LOC400499: variants seen among roughly 807,000 people sequenced by gnomAD.
chr16:11,376,980 C>T, the LOC400499 span, among the ~76,000 whole-genome samples: 3 of 144,856 alleles, frequency 2.1e-5, no homozygotes, highest in Admixed American at 7.0e-5. Context: ...CACTGTGTTG[C>T]CCAGGCTGGA....
the LOC400499 span, among the ~76,000 whole-genome samples, chr16:11,402,724 G>C: frequency 2.8e-4 from 42 of 152,244 alleles, 1 homozygote; most frequent in African/African-American, 8.9e-4. Context: ...AGCTGACCTT[G>C]AACATGAGGA....
the LOC400499 span, chr16:11,391,676 C>T: frequency 9.7e-5 from 120 of 1,232,252 alleles, no homozygotes; most frequent in African/African-American, 1.6e-3. Context: ...ATTCCAGCTC[C>T]TCCCGCAGCT....
the LOC400499 span, chr16:11,461,255 C>T: frequency 1.8e-4 from 191 of 1,073,220 alleles, 3 homozygotes; most frequent in East Asian, 5.0e-3. Flanking sequence ...AACATGTGCA[C>T]CCTGCACAAC....
chr16:11,432,501 G>A, the LOC400499 span, among the ~76,000 whole-genome samples: 2 of 152,194 alleles, frequency 1.3e-5, no homozygotes, highest in Non-Finnish European at 1.5e-5. Context: ...CAAATAAGCA[G>A]TTAGCAGTAC....
the LOC400499 span, chr16:11,404,971 C>A: frequency 2.5e-6 from 1 of 397,656 alleles, no homozygotes; most frequent in Non-Finnish European, 4.4e-6. Context: ...ATTTGTGGAT[C>A]ATTTACAGTT....
At chr16:11,487,144 G>A in the LOC400499 span, 1 of 397,284 alleles carries the variant, frequency 2.5e-6, no homozygotes, top group African/African-American at 2.1e-5. Flanking sequence ...GATATTAGGG[G>A]AGGAGATTGA....
the LOC400499 span, chr16:11,423,034 G>A: frequency 5.0e-6 from 2 of 397,148 alleles, no homozygotes; most frequent in African/African-American, 2.1e-5. Context: ...GGCTTTTGAA[G>A]GAGGGGGACC....
At chr16:11,440,817 C>CAAGCTCAGGGCCTGGGGG in the LOC400499 span, 1 of 399,060 alleles carries the variant, frequency 2.5e-6, no homozygotes, top group East Asian at 3.6e-5. Context: ...TGCCCCCATC[C>CAAGCTCAGGGCCTGGGGG]AAGCTCAGGG....
At chr16:11,376,657 T>A in the LOC400499 span, among the ~76,000 whole-genome samples, 1 of 152,328 alleles carries the variant, frequency 6.6e-6, no homozygotes, top group African/African-American at 2.4e-5. Flanking sequence ...TTTTCAAGAT[T>A]GTTTTGGCCA....
the LOC400499 span, chr16:11,401,321 C>T: frequency 2.0e-5 from 8 of 399,156 alleles, no homozygotes; most frequent in Admixed American, 8.8e-5. Flanking sequence ...CTCGGCTTGC[C>T]GCCAAGGGAG....
the LOC400499 span, among the ~76,000 whole-genome samples, chr16:11,484,637 C>A: frequency 6.6e-6 from 1 of 152,092 alleles, no homozygotes; most frequent in African/African-American, 2.4e-5. Flanking sequence ...AGGTGGTGGA[C>A]AGGCAGGCTG....
the LOC400499 span, chr16:11,431,298 A>G: frequency 1.2e-4 from 48 of 398,744 alleles, no homozygotes; most frequent in African/African-American, 7.8e-4. Flanking sequence ...TCCAACCCCA[A>G]TGCTGCTGCT....
the LOC400499 span, chr16:11,384,781 A>G: frequency 9.8e-7 from 1 of 1,015,598 alleles, no homozygotes; most frequent in Non-Finnish European, 1.3e-6. Context: ...CGAGGCCGGC[A>G]GAGGCTCTGC....
chr16:11,458,253 G>A, the LOC400499 span, among the ~76,000 whole-genome samples: 1 of 152,156 alleles, frequency 6.6e-6, no homozygotes, highest in Non-Finnish European at 1.5e-5. Flanking sequence ...GGCTGAGGCA[G>A]GGAGAATTGC....
At chr16:11,478,743 G>C in the LOC400499 span, 22 of 398,876 alleles carry the variant, frequency 5.5e-5, no homozygotes, top group Non-Finnish European at 9.7e-5. Context: ...AGAGTGATAT[G>C]GTTTGGCTGT....
chr16:11,429,499 G>C, the LOC400499 span, among the ~76,000 whole-genome samples: 1 of 152,206 alleles, frequency 6.6e-6, no homozygotes, highest in East Asian at 1.9e-4. Context: ...TTGAGACAGA[G>C]TCTCACTCTA....
the LOC400499 span, chr16:11,465,446 C>T: frequency 6.6e-6 from 1 of 152,124 alleles, no homozygotes; most frequent in African/African-American, 2.4e-5. Flanking sequence ...AAGTTTTCAA[C>T]CTTCTTCGCA....
At chr16:11,436,833 A>T in the LOC400499 span, among the ~76,000 whole-genome samples, 23 of 152,054 alleles carry the variant, frequency 1.5e-4, 1 homozygote, top group East Asian at 1.4e-3. Context: ...ACCTCAGGTG[A>T]TCTGTCTGCC....
the LOC400499 span, among the ~76,000 whole-genome samples, chr16:11,491,460 G>A: frequency 1.3e-5 from 2 of 152,282 alleles, no homozygotes; most frequent in East Asian, 3.9e-4. Flanking sequence ...CCAGAGAGGA[G>A]AAGCAACTTC....
Sources: gnomAD v4.1 joint callset for allele counts (sites outside exome capture counted in the v4.1 genomes callset) on GRCh38, gnomAD v4.1.1 for gene constraint, MANE v1.5 for transcripts.